PIK3C2G: variants seen among roughly 807,000 people sequenced by gnomAD.
PIK3C2G encodes phosphatidylinositol 3-kinase C2 domain-containing subunit gamma.
Under a neutral mutation model 181.1 loss-of-function variants are expected in PIK3C2G, and 168 were observed. That is an observed-to-expected ratio of 0.93 (90% CI 0.82 to 1.05). PIK3C2G has a LOEUF of 1.05. Among genes scored for constraint, PIK3C2G ranks in the 50% least tolerant of loss-of-function variants. The pLI, the probability that PIK3C2G is intolerant of heterozygous loss-of-function variation, is 0.00. For missense variants in PIK3C2G, 1,869 were observed against 1,732.8 expected (o/e 1.08, Z -1.40); for synonymous variants, 573 against 592.2 (o/e 0.97, Z 0.47).
the PIK3C2G span, among the ~76,000 whole-genome samples, chr12:18,702,103 G>A: frequency 7.2e-5 from 11 of 151,746 alleles, no homozygotes; most frequent in Non-Finnish European, 4.4e-5. Flanking sequence ...CCATGATATT[G>A]CAATGAAAAT....
intron 10 of PIK3C2G, among the ~76,000 whole-genome samples, chr12:18,345,559 C>A (rs894126823): frequency 6.6e-6 from 1 of 152,150 alleles, no homozygotes; most frequent in African/African-American, 2.4e-5. Context: ...GTCAAGCTGG[C>A]CCCTTTCCTG....
intron 14 of PIK3C2G, among the ~76,000 whole-genome samples, chr12:18,389,357 A>T (rs552984333): frequency 1.9e-3 from 287 of 152,042 alleles, no homozygotes; most frequent in African/African-American, 6.7e-3. Flanking sequence ...CATCTCAAAA[A>T]AAAAAAAAAG....
the PIK3C2G span, among the ~76,000 whole-genome samples, chr12:18,674,408 G>A: frequency 7.9e-5 from 12 of 152,134 alleles, no homozygotes; most frequent in East Asian, 7.8e-4. Flanking sequence ...CAGTGGAAGC[G>A]TGTTGGTTTT....
intron 16 of PIK3C2G, among the ~76,000 whole-genome samples, chr12:18,414,646 A>C (rs1349124296): frequency 1.3e-5 from 2 of 152,172 alleles, no homozygotes; most frequent in Non-Finnish European, 2.9e-5. Context: ...CACACACGTC[A>C]CTCATCATAT....
intron 26 of PIK3C2G, among the ~76,000 whole-genome samples, chr12:18,547,086 CTG>C (rs1327594612): frequency 6.6e-6 from 1 of 151,938 alleles, no homozygotes; most frequent in African/African-American, 2.4e-5. Context: ...GAGAGAAAAA[CTG>C]CATTCTTTCT....
intron 15 of PIK3C2G, among the ~76,000 whole-genome samples, chr12:18,399,281 A>G (rs1218186430): frequency 1.3e-5 from 2 of 151,726 alleles, no homozygotes; most frequent in Non-Finnish European, 2.9e-5. Context: ...AAGAAAGTAA[A>G]CGGTTGATTA....
intron 1 of PIK3C2G, among the ~76,000 whole-genome samples, chr12:18,249,738 T>G (rs571370910): frequency 6.6e-6 from 1 of 151,350 alleles, no homozygotes. Context: ...ACCAGGATTA[T>G]AAATTAAACA....
At chr12:18,334,180 T>A (rs567256563) in intron 8 of PIK3C2G, among the ~76,000 whole-genome samples, 1 of 152,300 alleles carries the variant, frequency 6.6e-6, no homozygotes, top group South Asian at 2.1e-4. Context: ...TCTAAACTCC[T>A]ATGCAATGCA....
At chr12:18,681,834 AG>A in the PIK3C2G span, among the ~76,000 whole-genome samples, 1 of 152,040 alleles carries the variant, frequency 6.6e-6, no homozygotes, top group Non-Finnish European at 1.5e-5. Context: ...GGTATAAATG[AG>A]AAGTTTATTC....
chr12:18,699,565 G>A, the PIK3C2G span, among the ~76,000 whole-genome samples: 2 of 151,904 alleles, frequency 1.3e-5, no homozygotes, highest in Non-Finnish European at 2.9e-5. Flanking sequence ...TGGCCACATC[G>A]GACATTCTCA....
Position 18,562,863 on chromosome 12 carries a change from A to G in PIK3C2G, c.3751A>G (p.Ile1251Val), listed in dbSNP as rs371391429. The G allele has an allele frequency of 2.4e-5, 38 of 1,603,616 alleles. No homozygotes were observed. The highest frequency in any genetic ancestry group is 2.9e-5 in the Non-Finnish European group (34 of 1,174,302). The change falls in exon 27 of 33, where the codon ATT becomes GTT. Residue 1251 changes from isoleucine to valine, a missense_variant. Physicochemically the swap from Ile to Val is conservative, Grantham distance 29. Transcript: ENST00000538779. Reference sequence around the variant, plus strand: ...AACTAGGTCGATTGAAAGAGCAACAATTTTAGGGTTCAGCAAGAAATCCAG... The same window carrying G: ...AACTAGGTCGATTGAAAGAGCAACAGTTTTAGGGTTCAGCAAGAAATCCAG... ...STTRSIERATILGFSKKSSNL... is the reference protein window; with the variant it reads ...STTRSIERATVLGFSKKSSNL...
chr12:18,274,963 A>G (rs1948919680), intron 1 of PIK3C2G, among the ~76,000 whole-genome samples: 1 of 152,054 alleles, frequency 6.6e-6, no homozygotes, highest in South Asian at 2.1e-4. Flanking sequence ...TTTAATTCTC[A>G]CCAACAGGCT....
chr12:18,345,935 C>G (rs1939629979), intron 10 of PIK3C2G, among the ~76,000 whole-genome samples: 1 of 152,158 alleles, frequency 6.6e-6, no homozygotes, highest in Non-Finnish European at 1.5e-5. Context: ...TACTTGTTCT[C>G]AATTTCTACT....
At chr12:18,508,403 T>C (rs181352107) in intron 24 of PIK3C2G, among the ~76,000 whole-genome samples, 123 of 152,322 alleles carry the variant, frequency 8.1e-4, no homozygotes, top group African/African-American at 2.9e-3. Context: ...AACGTTGTTT[T>C]CTAGGACAGC....
intron 16 of PIK3C2G, among the ~76,000 whole-genome samples, chr12:18,410,453 C>A (rs1465369179): frequency 6.9e-6 from 1 of 144,580 alleles, no homozygotes; most frequent in African/African-American, 2.6e-5. Context: ...TGCAGTGAGC[C>A]AAGATTGCGC....
At chr12:18,602,865 C>A (rs1420772975) in intron 30 of PIK3C2G, among the ~76,000 whole-genome samples, 1 of 152,136 alleles carries the variant, frequency 6.6e-6, no homozygotes, top group East Asian at 1.9e-4. Flanking sequence ...ACAAAAAAAT[C>A]TGAACAACAT....
At chr12:18,517,125 T>C (rs557617077) in intron 24 of PIK3C2G, among the ~76,000 whole-genome samples, 37 of 152,102 alleles carry the variant, frequency 2.4e-4, no homozygotes, top group African/African-American at 7.9e-4. Flanking sequence ...GTTGGCCATG[T>C]CTTCCAGCTT....
intron 23 of PIK3C2G, among the ~76,000 whole-genome samples, chr12:18,505,067 C>T (rs1329680138): frequency 1.3e-5 from 2 of 152,266 alleles, no homozygotes; most frequent in East Asian, 3.9e-4. Context: ...TCCGCAGTTT[C>T]AGTGAAAACA....
intron 29 of PIK3C2G, among the ~76,000 whole-genome samples, chr12:18,587,159 T>C (rs1285573387): frequency 6.6e-6 from 1 of 152,014 alleles, no homozygotes; most frequent in Non-Finnish European, 1.5e-5. Flanking sequence ...GTTAAGGATG[T>C]CTTCCCTCAT....
Sources: gnomAD v4.1 joint callset for allele counts (sites outside exome capture counted in the v4.1 genomes callset) on GRCh38, gnomAD v4.1.1 for gene constraint, MANE v1.5 for transcripts, NCBI Gene and HGNC (gene_info 2026-07-23, HGNC 2026-07-21) for gene names.